The following KICS2 variants were observed in gnomAD, a reference collection of about 807,000 sequenced individuals.
The protein encoded by KICS2 is KICSTOR subunit 2.
Under a neutral mutation model 31.4 loss-of-function variants are expected in KICS2, and 13 were observed. The observed-to-expected ratio is 0.41, with a 90% CI of 0.27 to 0.66. The LOEUF (loss-of-function observed/expected upper bound fraction) is 0.66, where lower values mean the gene tolerates loss of function less well. Among genes scored for constraint, KICS2 ranks in the 30% least tolerant of loss-of-function variants. The probability of loss-of-function intolerance (pLI) is 0.28; values close to 1 mark genes in which losing one functional copy is unlikely to be tolerated. For synonymous variants in KICS2, 209 were observed against 214.8 expected, an observed-to-expected ratio of 0.97 and a Z score of 0.24; for missense variants, 455 against 545.4, an observed-to-expected ratio of 0.83 and a Z score of 1.65.
In KICS2 at chr12:64,191,305, AATAC is replaced by A. The variant is rs1183061520; in HGVS notation, c.*2533_*2536del. 3 of 149,834 alleles carry A rather than the reference AATAC, an allele frequency of 2.0e-5. No individual in the cohort carries two copies. Among genetic ancestry groups the A allele is most frequent in the Non-Finnish European group, 4.4e-5 (3 of 68,016 alleles). The allele number at this position is 149,834 out of a possible 1,614,324, so 9.3% of individuals were successfully genotyped here. ...GTACAGTCTATGACAGCTGCACAGT[AATAC>A]ATATTGTCTTAGATTTTCTTAATAT... is the stretch of plus-strand genomic sequence containing the variant. On this transcript the variant is annotated 3_prime_UTR_variant, in exon 3 of 3. Coordinates refer to ENST00000398055, the MANE Select transcript of KICS2 (RefSeq NM_152440.5).
At chr12:64,190,591 C>T (rs1052785865), downstream of KICS2, among the ~76,000 whole-genome samples, 1 of 151,914 alleles carries the variant, frequency 6.6e-6, no homozygotes, top group Non-Finnish European at 1.5e-5. Flanking sequence ...ATAGTGCGAC[C>T]CTATCTCTAA....
At position 64,214,270 on chromosome 12, in the gene KICS2, G is replaced by A. The variant is rs117106879; in HGVS notation, c.521+1408C>T. On this transcript the variant is annotated intron_variant, in intron 2 of 2. Transcript: ENST00000398055. ...TGCTAAAAGCACAGCAGCTGTGATGGAGCTCACATTCTAGTTTTTGAGAAA... is the reference window on the plus strand; with the variant it reads ...TGCTAAAAGCACAGCAGCTGTGATGAAGCTCACATTCTAGTTTTTGAGAAA... Among the ~76,000 whole-genome samples the A allele has an allele frequency of 6.5e-4, 99 of 152,308 alleles. 1 individual carries two copies. In the East Asian group the frequency reaches 0.018, roughly 27 times the overall value.
chr12:64,196,685 G>T (rs1436709869), intron 2 of KICS2, among the ~76,000 whole-genome samples: 1 of 144,170 alleles, frequency 6.9e-6, no homozygotes, highest in African/African-American at 2.6e-5. Flanking sequence ...CAAAGGCAAA[G>T]AAGTTGAAAA....
At chr12:64,196,053 T>C (rs2037433381) in intron 2 of KICS2, among the ~76,000 whole-genome samples, 1 of 152,364 alleles carries the variant, frequency 6.6e-6, no homozygotes, top group African/African-American at 2.4e-5. Context: ...CAGGCTTGAT[T>C]AGGTAAACAA....
downstream of KICS2, chr12:64,187,595 A>G (rs567422156): frequency 3.9e-6 from 6 of 1,526,476 alleles, no homozygotes; most frequent in Middle Eastern, 3.3e-4. Context: ...CCTCTGGAGA[A>G]GCAGCTTAGA....
At chr12:64,211,633 C>A (rs562791181) in intron 2 of KICS2, among the ~76,000 whole-genome samples, 71 of 152,068 alleles carry the variant, frequency 4.7e-4, no homozygotes, top group African/African-American at 1.4e-3. Context: ...AAAAAAAAAA[C>A]CTGCTAACTT....
At chr12:64,188,410 G>A (rs922630128), downstream of KICS2, among the ~76,000 whole-genome samples, 4 of 152,178 alleles carry the variant, frequency 2.6e-5, no homozygotes, top group African/African-American at 7.2e-5. Flanking sequence ...TGTAATCCCA[G>A]CTACTCATGA....
In KICS2 at chr12:64,205,162, T is replaced by C. The variant is rs544925770; in HGVS notation, c.522-10504A>G. ...TAGTACAAATAACACTATTGTTATC[T>C]TTCTACTGCTTTCAGCTGAAAATCA... On this transcript the variant is annotated intron_variant, in intron 2 of 2. Coordinates refer to ENST00000398055, the MANE Select transcript of KICS2 (RefSeq NM_152440.5). 7.2e-5 allele frequency among the ~76,000 whole-genome samples: 11 copies of C among 152,344 alleles called. No individual in the cohort carries two copies. The East Asian group carries it at 1.7e-3, about 24-fold the overall frequency.
At chr12:64,195,836 T>C (rs2037429907) in intron 2 of KICS2, among the ~76,000 whole-genome samples, 1 of 151,996 alleles carries the variant, frequency 6.6e-6, no homozygotes, top group Non-Finnish European at 1.5e-5. Context: ...AAGAAAGGGG[T>C]GACGGACGCA....
At chr12:64,209,088 A>C (rs78257445) in intron 2 of KICS2, among the ~76,000 whole-genome samples, 1,711 of 152,190 alleles carry the variant, frequency 0.011, 26 homozygotes, top group African/African-American at 0.039. Context: ...CCCAAGTTCT[A>C]TTGCTCCTCA....
intron 2 of KICS2, among the ~76,000 whole-genome samples, chr12:64,204,012 T>G (rs1433381427): frequency 5.5e-5 from 2 of 36,342 alleles, no homozygotes; most frequent in Non-Finnish European, 5.9e-5. Context: ...CAAACTAACA[T>G]TAGTAGGAAC....
At chr12:64,205,604 G>GGGAAAAGGGGAAGGAAGGAA (rs1555181662) in intron 2 of KICS2, among the ~76,000 whole-genome samples, 2,189 of 128,622 alleles carry the variant, frequency 0.017, 63 homozygotes, top group African/African-American at 0.061. Context: ...AAGGAAAGGA[G>GGGAAAAGGGGAAGGAAGGAA]GGAAAAAGGG....
At chr12:64,187,414 C>T (rs977970821), downstream of KICS2, 4 of 556,750 alleles carry the variant, frequency 7.2e-6, no homozygotes, top group Admixed American at 6.7e-5. Context: ...ATATTTTACA[C>T]ATACCCTACG....
chr12:64,197,808 C>A (rs2136691330), intron 2 of KICS2, among the ~76,000 whole-genome samples: 1 of 147,712 alleles, frequency 6.8e-6, no homozygotes, highest in South Asian at 2.2e-4. Flanking sequence ...ATCCTAGTCT[C>A]TGATAAAACA....
intron 1 of KICS2, among the ~76,000 whole-genome samples, chr12:64,219,896 AGTTG>A (rs1405940110): frequency 6.6e-6 from 1 of 152,226 alleles, no homozygotes; most frequent in Non-Finnish European, 1.5e-5. Flanking sequence ...TGAGCAAAGT[AGTTG>A]GAGAACATGG....
intron 2 of KICS2, among the ~76,000 whole-genome samples, chr12:64,214,877 C>T (rs1472459757): frequency 6.6e-6 from 1 of 152,012 alleles, no homozygotes; most frequent in Non-Finnish European, 1.5e-5. Context: ...AACTGTATGG[C>T]AGAAACTCTA....
chr12:64,196,259 C>A (rs371864699), intron 2 of KICS2, among the ~76,000 whole-genome samples: 1 of 146,150 alleles, frequency 6.8e-6, no homozygotes, highest in South Asian at 2.2e-4. Context: ...ATCTGAGAAC[C>A]GGCAGACTGC....
At chr12:64,201,868 A>C (rs1245912688) in intron 2 of KICS2, among the ~76,000 whole-genome samples, 1 of 151,836 alleles carries the variant, frequency 6.6e-6, no homozygotes, top group African/African-American at 2.4e-5. Flanking sequence ...AAACAAACAA[A>C]TGGTGACCCA....
chr12:64,193,612 G>C lies in KICS2; in HGVS notation c.*230C>G, dbSNP rs760796392. The C allele has an allele frequency of 3.0e-6, 4 of 1,342,988 alleles. No homozygotes were observed. The highest frequency in any genetic ancestry group is 3.8e-6 in the Non-Finnish European group (4 of 1,051,310). The allele number at this position is 1,342,988 out of a possible 1,614,324, so 83.2% of individuals were successfully genotyped here. A position where few individuals can be genotyped will look rare whatever the true frequency, so the allele number is the denominator to read the frequency against. On this transcript the variant is annotated 3_prime_UTR_variant, in exon 3 of 3. Transcript: ENST00000398055. ...GGGAAAATACTGAAACTACTTTGCTGTACCATGGAGACACATGGTAGCCCA... is the reference window on the plus strand; with the variant it reads ...GGGAAAATACTGAAACTACTTTGCTCTACCATGGAGACACATGGTAGCCCA...
Sources: gnomAD v4.1 joint callset for allele counts (sites outside exome capture counted in the v4.1 genomes callset) on GRCh38, gnomAD v4.1.1 for gene constraint, MANE v1.5 for transcripts, NCBI Gene and HGNC (gene_info 2026-07-23, HGNC 2026-07-21) for gene names.